Variants in SEC31A observed in about 807,000 individuals in gnomAD.
SEC31A encodes the protein SEC31 homolog A, COPII component.
A neutral mutation model predicts 151.0 loss-of-function variants in SEC31A; 70 were observed. The ratio of observed to expected loss-of-function variants is 0.46; its 90% CI spans 0.38 to 0.57. The LOEUF is 0.57. SEC31A is among the 20% of genes least tolerant of loss of function. SEC31A has a pLI of 0.00. For missense variants in SEC31A, 1,330 were observed against 1,471.2 expected (o/e 0.90, Z 1.57); for synonymous variants, 475 against 505.9 (o/e 0.94, Z 0.82).
intron 22 of SEC31A, 74 bp downstream of exon 22, chr4:82,842,066 T>C (rs1729040944): frequency 8.4e-7 from 1 of 1,195,640 alleles, no homozygotes; most frequent in African/African-American, 1.5e-5. Context: ...TTAGAAATAA[T>C]ACCCCTCCAT....
chr4:82,884,281 G>A lies in SEC31A; in HGVS notation c.-4-2341C>T, dbSNP rs184727767. Among the ~76,000 whole-genome samples the A allele has an allele frequency of 2.6e-3, 399 of 151,848 alleles. 7 individuals carry two copies. The highest frequency in any genetic ancestry group is 0.019 in the South Asian group (91 of 4,812). On this transcript the variant is annotated intron_variant, in intron 1 of 26. Transcript: ENST00000395310. ...TGGGATTACAGGGGTGAGCCACTGC[G>A]CCCGGCCATCATTCGACAATTTTTC... is the stretch of plus-strand genomic sequence containing the variant.
At chr4:82,853,483 A>C in intron 18 of SEC31A, 87 bp downstream of exon 18, 1 of 1,177,888 alleles carries the variant, frequency 8.5e-7, no homozygotes, top group East Asian at 2.8e-5. Context: ...ATGTATAGAA[A>C]AAATGAACTT....
At chr4:82,862,017 A>G (rs1005040283) in intron 13 of SEC31A, among the ~76,000 whole-genome samples, 4 of 148,144 alleles carry the variant, frequency 2.7e-5, no homozygotes, top group Admixed American at 1.4e-4. Flanking sequence ...AGTTCAAGCA[A>G]TTCTCCTGCC....
rs56888042 is a variant in SEC31A, at chr4:82,837,199, A to ATACACATAT, written c.2968+4940_2968+4941insATATGTGTA. Among the ~76,000 whole-genome samples, 23 of 83,132 alleles carry ATACACATAT rather than the reference A, an allele frequency of 2.8e-4. 1 individual carries two copies. The highest frequency in any genetic ancestry group is 5.4e-4 in the Non-Finnish European group (22 of 41,044). 54.5% of individuals were successfully genotyped at this position (83,132 alleles called of 152,430 possible). A position where few individuals can be genotyped will look rare whatever the true frequency, so the allele number is the denominator to read the frequency against. On this transcript the variant is annotated intron_variant, in intron 22 of 26. Coordinates refer to ENST00000395310, the MANE Select transcript of SEC31A (RefSeq NM_001077207.4). ...TATATATATATATATATATATATAT[A>ATACACATAT]ATTTCACCACAATAAAAACTTTAAT...
At chr4:82,826,252 TTAA>T (rs1253480951) in intron 24 of SEC31A, among the ~76,000 whole-genome samples, 1 of 152,230 alleles carries the variant, frequency 6.6e-6, no homozygotes, top group Non-Finnish European at 1.5e-5. Flanking sequence ...AACTCTATAA[TTAA>T]TTTTTATTTT....
At chr4:82,836,249 T>A (rs1324831890) in intron 22 of SEC31A, among the ~76,000 whole-genome samples, 2 of 151,804 alleles carry the variant, frequency 1.3e-5, no homozygotes, top group Non-Finnish European at 2.9e-5. Flanking sequence ...GGCACATGCC[T>A]GTAGTCCCAG....
At chr4:82,866,666 CA>C (rs1174311924) in intron 10 of SEC31A, 141 bp downstream of exon 10, 1 of 707,268 alleles carries the variant, frequency 1.4e-6, no homozygotes, top group Non-Finnish European at 2.2e-6. Context: ...TCAGAGAAAC[CA>C]TTTTGAATGA....
chr4:82,881,053 T>A (rs890109520), intron 2 of SEC31A, 131 bp from the exon 3 acceptor site: 2 of 709,622 alleles, frequency 2.8e-6, no homozygotes, highest in South Asian at 3.9e-5. Context: ...ATTGAGCAGA[T>A]GCTTAAATTA....
At position 82,844,949 on chromosome 4, in the gene SEC31A, T is replaced by C. The variant is rs538041737; in HGVS notation, c.2503-440A>G. ...CTTCAGTAAAATCAGATTTAAACCA[T>C]TGTCAAAACCTTGGTTGGTGTTTTT... On this transcript the variant is annotated intron_variant, in intron 20 of 26. Transcript: ENST00000395310. Among the ~76,000 whole-genome samples the C allele has an allele frequency of 2.8e-4, 42 of 152,316 alleles. No individual in the cohort carries two copies. In the South Asian group the frequency reaches 7.9e-3, roughly 29 times the overall value.
At chr4:82,846,138 G>A (rs1367128449) in intron 20 of SEC31A, among the ~76,000 whole-genome samples, 1 of 151,862 alleles carries the variant, frequency 6.6e-6, no homozygotes, top group Non-Finnish European at 1.5e-5. Flanking sequence ...TGAGTAGCTG[G>A]GACTACAGGC....
chr4:82,874,676 G>C lies in SEC31A; in HGVS notation c.574C>G (p.Arg192Gly), dbSNP rs1191963658. The change falls in exon 6 of 27, where the codon CGG (arginine) becomes GGG (glycine). Residue 192 changes from arginine to glycine, a missense_variant. Physicochemically the swap from Arg to Gly is moderately radical, Grantham distance 125. Transcript: ENST00000395310. ...HILASASPSG[R>G]ATVWDLRKNE... ...TTTCTAAGATCCCATACAGTGGCCC[G>C]GCCACTGGGACTGGCTGATGCTAAA... The C allele has an allele frequency of 6.2e-7, 1 of 1,613,182 alleles. No homozygotes were observed. The highest frequency in any genetic ancestry group is 1.7e-5 in the Admixed American group (1 of 59,604).
In SEC31A at chr4:82,878,764, C is replaced by G; in HGVS notation, c.368G>C (p.Gly123Ala). Residue 123 changes from glycine to alanine, a missense_variant, in exon 4 of 27, where the codon GGC (glycine) becomes GCC (alanine). Transcript: ENST00000395310. ...GTTCACATCCAAGGCTCTCACTGGGCCAGTATGCTTGTCATTCTGGGCAAT... is the reference window on the plus strand; with the variant it reads ...GTTCACATCCAAGGCTCTCACTGGGGCAGTATGCTTGTCATTCTGGGCAAT... ...VVIAQNDKHT[G>A]PVRALDVNIF... 1 of 1,614,088 alleles carries G rather than the reference C, an allele frequency of 6.2e-7. No individual in the cohort carries two copies. Among genetic ancestry groups the G allele is most frequent in the Non-Finnish European group, 8.5e-7 (1 of 1,179,958 alleles).
intron 20 of SEC31A, among the ~76,000 whole-genome samples, chr4:82,845,640 AG>A: frequency 6.6e-6 from 1 of 151,102 alleles, no homozygotes; most frequent in Non-Finnish European, 1.5e-5. Flanking sequence ...AAGACATTCC[AG>A]GAAAAAAAAA....
At chr4:82,842,721 T>C (rs1729181177) in intron 21 of SEC31A, 2 of 447,062 alleles carry the variant, frequency 4.5e-6, no homozygotes, top group East Asian at 7.9e-5. Flanking sequence ...ATGAAAATAT[T>C]TGAATCATCA....
At chr4:82,847,973 A>G (rs1730609885) in intron 20 of SEC31A, among the ~76,000 whole-genome samples, 2 of 152,222 alleles carry the variant, frequency 1.3e-5, no homozygotes, top group African/African-American at 4.8e-5. Flanking sequence ...TCAAGATTTT[A>G]TATTTACTTT....
At chr4:82,882,027 A>G in intron 1 of SEC31A, 87 bp from the exon 2 acceptor site, 1 of 1,000,186 alleles carries the variant, frequency 1.0e-6, no homozygotes, top group South Asian at 1.3e-5. Flanking sequence ...AAACATACTG[A>G]ACAAACCACT....
intron 1 of SEC31A, among the ~76,000 whole-genome samples, chr4:82,884,934 G>T (rs1740334046): frequency 6.6e-6 from 1 of 152,122 alleles, no homozygotes; most frequent in African/African-American, 2.4e-5. Context: ...ATATATTTAT[G>T]TCAATTTCTC....
At chr4:82,859,580 G>C (rs575680835) in intron 14 of SEC31A, among the ~76,000 whole-genome samples, 3 of 152,194 alleles carry the variant, frequency 2.0e-5, no homozygotes, top group East Asian at 1.9e-4. Context: ...TTTTAATGCA[G>C]AGTACAGCAC....
Position 82,848,825 on chromosome 4 carries a change from T to C in SEC31A, c.2481A>G (p.Gln827=). The change falls in exon 20 of 27, where the codon CAA becomes CAG. Residue 827 remains glutamine, a synonymous_variant. Transcript: ENST00000395310. ...VAGHHQMPRV[Q]TQQYYPHGEN... is the part of the protein sequence containing the mutation. ...TCACATGGGGATAATATTGTTGAGTTTGAACTCTTGGCATCTGGTGGTGGC... is the reference window on the plus strand; with the variant it reads ...TCACATGGGGATAATATTGTTGAGTCTGAACTCTTGGCATCTGGTGGTGGC... 2 of 1,613,754 alleles carry C rather than the reference T, an allele frequency of 1.2e-6. No individual in the cohort carries two copies. The highest frequency in any genetic ancestry group is 1.7e-6 in the Non-Finnish European group (2 of 1,179,880).
Sources: allele counts gnomAD v4.1 joint callset (sites outside exome capture counted in the v4.1 genomes callset), GRCh38; gene constraint gnomAD v4.1.1; transcripts MANE v1.5; gene names NCBI Gene and HGNC (gene_info 2026-07-23, HGNC 2026-07-21).